Variants in SIGIRR observed in about 807,000 individuals in gnomAD.
SIGIRR encodes single Ig IL-1-related receptor.
Under a neutral mutation model 45.6 loss-of-function variants are expected in SIGIRR, and 41 were observed. That is an observed-to-expected ratio of 0.90 (90% CI 0.70 to 1.17). The LOEUF (loss-of-function observed/expected upper bound fraction) is 1.17, where lower values mean the gene tolerates loss of function less well. Among genes scored for constraint, SIGIRR ranks in the 50% most tolerant of loss-of-function variants. The probability of loss-of-function intolerance (pLI) is 0.00; values close to 1 mark genes in which losing one functional copy is unlikely to be tolerated. For synonymous variants in SIGIRR, 298 were observed against 239.0 expected (o/e 1.25, Z -2.28); for missense variants, 599 against 539.6 (o/e 1.11, Z -1.09).
chr11:408,971 G>A (rs1452121032), intron 2 of SIGIRR, 78 bp from the exon 3 acceptor site: 4 of 1,326,472 alleles, frequency 3.0e-6, no homozygotes, highest in Non-Finnish European at 4.3e-6. Flanking sequence ...CGTGGTGCAG[G>A]AAGAAATAAG....
At chr11:406,291 C>T in intron 9 of SIGIRR, 58 bp downstream of exon 9, 1 of 1,580,742 alleles carries the variant, frequency 6.3e-7, no homozygotes, top group Non-Finnish European at 8.6e-7. Context: ...CTGTGCCTGC[C>T]CCCACTCCGC....
At chr11:417,233 G>A (rs1381858318), upstream of SIGIRR, 1 of 152,274 alleles carries the variant, frequency 6.6e-6, no homozygotes, top group Non-Finnish European at 1.5e-5. This position sits in a 1 kb window ranked among gnomAD's most constrained non-coding sequence, Gnocchi z 4.2. Flanking sequence ...GGGACAAGCA[G>A]CGCCCCGGGC....
At position 407,116 on chromosome 11, in the gene SIGIRR, A is replaced by AGCAT; in HGVS notation, c.673_674insATGC (p.Ile225AsnfsTer117). 2.6e-6 allele frequency: 4 copies of AGCAT among 1,526,568 alleles called. No homozygotes were observed. Among genetic ancestry groups the AGCAT allele is most frequent in the East Asian group, 2.6e-5 (1 of 38,656 alleles). The allele number at this position is 1,526,568 out of a possible 1,614,324, so 94.6% of individuals were successfully genotyped here. On this transcript the variant is annotated frameshift_variant, in exon 7 of 10. Coordinates refer to ENST00000431843, the MANE Select transcript of SIGIRR (RefSeq NM_001135054.2). LOFTEE classifies it high-confidence loss of function. ...CAGGAAGGCGTCCGAAAGCACCACG[A>AGCAT]TGAGGCGTCGGCAGCGGCTCAGGTT...
chr11:408,564 TG>T, intron 3 of SIGIRR, 130 bp downstream of exon 3: 1 of 1,087,118 alleles, frequency 9.2e-7, no homozygotes, highest in Non-Finnish European at 1.4e-6. Flanking sequence ...ACCCTCCGTC[TG>T]GGTCCACAGA....
Position 407,000 on chromosome 11 carries a change from G to C in SIGIRR, c.729-7C>G, listed in dbSNP as rs751237479. The C allele has an allele frequency of 6.3e-7, 1 of 1,595,318 alleles. No individual in the cohort carries two copies. Among genetic ancestry groups the C allele is most frequent in the South Asian group, 1.1e-5 (1 of 89,524 alleles). On this transcript the variant is annotated splice_region_variant and splice_polypyrimidine_tract_variant and intron_variant, in intron 7 of 9. Coordinates refer to ENST00000431843, the MANE Select transcript of SIGIRR (RefSeq NM_001135054.2). ...CAGCCGGCACAGGCCCTCCCTGCGG[G>C]GCGGGACCGTCAGGGGGGTGGGTGC...
chr11:416,809 G>T (rs1847897301), upstream of SIGIRR, among the ~76,000 whole-genome samples: 1 of 152,138 alleles, frequency 6.6e-6, no homozygotes, highest in African/African-American at 2.4e-5. The surrounding 1 kb of genome is among the most constrained non-coding windows in gnomAD (Gnocchi z 9.1). Flanking sequence ...TGAGGAGGGC[G>T]GAGAACGAGG....
intron 1 of SIGIRR, among the ~76,000 whole-genome samples, chr11:413,619 C>T (rs2133651992): frequency 6.6e-6 from 1 of 151,906 alleles, no homozygotes; most frequent in African/African-American, 2.4e-5. Context: ...AGCAGGTGCC[C>T]TCCCCTGCAA....
upstream of SIGIRR, among the ~76,000 whole-genome samples, chr11:416,826 G>A (rs980989881): frequency 7.9e-5 from 12 of 152,154 alleles, no homozygotes; most frequent in African/African-American, 2.9e-4. The surrounding 1 kb of genome is among the most constrained non-coding windows in gnomAD (Gnocchi z 9.1). Flanking sequence ...GAGGACGCGC[G>A]CGGGAGGCGG....
Position 408,119 on chromosome 11 carries a change from G to A in SIGIRR, c.294C>T (p.Cys98=), listed in dbSNP as rs751038465. ...AGGAGAAGCTGATGTTCTGGATGGA[G>A]CAGGTGAAGGCCCCATAGACTTCAG... ...TSTEVYGAFT[C]SIQNISFSSF... The change falls in exon 4 of 10, where the codon TGC becomes TGT. Residue 98 remains cysteine (C), a synonymous_variant. Transcript: ENST00000431843. 9.3e-6 allele frequency: 15 copies of A among 1,612,844 alleles called. No homozygotes were observed. Among genetic ancestry groups the A allele is most frequent in the Non-Finnish European group, 1.3e-5 (15 of 1,179,982 alleles).
At chr11:412,748 C>T (rs985789291) in intron 1 of SIGIRR, among the ~76,000 whole-genome samples, 1 of 151,668 alleles carries the variant, frequency 6.6e-6, no homozygotes, top group African/African-American at 2.4e-5. Context: ...CCAGCTCTGG[C>T]CCACGTCTGG....
upstream of SIGIRR, among the ~76,000 whole-genome samples, chr11:415,437 C>T (rs1388031725): frequency 2.0e-5 from 3 of 152,070 alleles, no homozygotes; most frequent in Admixed American, 1.3e-4. The surrounding 1 kb of genome is among the most constrained non-coding windows in gnomAD (Gnocchi z 6.6). Context: ...GACCGGGGAC[C>T]GCGCGGCATG....
chr11:406,684 C>T lies in SIGIRR; in HGVS notation c.880-146G>A, dbSNP rs1590368781. The T allele has an allele frequency of 2.8e-6, 4 of 1,405,786 alleles. No individual in the cohort carries two copies. In the East Asian group the frequency reaches 7.5e-5, roughly 26 times the overall value. 87.1% of individuals were successfully genotyped at this position (1,405,786 alleles called of 1,614,324 possible). ...GGCTCCGGGGGCCTCAAGGGCGGCTCCCCGCATCGGGGCCCCAGGCAGCGG... is the reference window on the plus strand; with the variant it reads ...GGCTCCGGGGGCCTCAAGGGCGGCTTCCCGCATCGGGGCCCCAGGCAGCGG... On this transcript the variant is annotated intron_variant, in intron 8 of 9. Transcript: ENST00000431843.
At chr11:413,452 C>T (rs958894171) in intron 1 of SIGIRR, among the ~76,000 whole-genome samples, 8 of 151,918 alleles carry the variant, frequency 5.3e-5, no homozygotes, top group African/African-American at 1.9e-4. Context: ...ACAGCAAGCC[C>T]GGGAGGTCAC....
chr11:406,222 AG>A, intron 9 of SIGIRR, 126 bp downstream of exon 9: 1 of 1,540,168 alleles, frequency 6.5e-7, no homozygotes, highest in African/African-American at 1.4e-5. Flanking sequence ...GAGGCCGTGC[AG>A]GGGCTCCCGG....
Position 414,929 on chromosome 11 carries a change from C to T in SIGIRR, c.-260G>A. On this transcript the variant is annotated 5_prime_UTR_variant, in exon 1 of 10. Coordinates refer to ENST00000431843, the MANE Select transcript of SIGIRR (RefSeq NM_001135054.2). ...CCAGGGAGTGTCCACAGCACCAAGG[C>T]TGCTATGGATGCATCGCCAAGCGCG... is the stretch of plus-strand genomic sequence containing the variant. The T allele has an allele frequency of 3.1e-6, 3 of 960,780 alleles. No individual in the cohort carries two copies. The highest frequency in any genetic ancestry group is 3.7e-6 in the Non-Finnish European group (3 of 807,398). The allele number at this position is 960,780 out of a possible 1,614,324, so 59.5% of individuals were successfully genotyped here. A position where few individuals can be genotyped will look rare whatever the true frequency, so the allele number is the denominator to read the frequency against.
In SIGIRR at chr11:407,046, C is replaced by A; in HGVS notation, c.728+16G>T. 1 of 1,576,826 alleles carries A rather than the reference C, an allele frequency of 6.3e-7. No individual in the cohort carries two copies. The highest frequency in any genetic ancestry group is 8.6e-7 in the Non-Finnish European group (1 of 1,167,782). ...GGTGCTACGCTGGGGCCCACCCAAC[C>A]CCGCGCGGGACCCACCGGAAGCTGT... On this transcript the variant is annotated intron_variant, in intron 7 of 9. Coordinates refer to ENST00000431843, the MANE Select transcript of SIGIRR (RefSeq NM_001135054.2).
chr11:415,225 T>C (rs1847847919), upstream of SIGIRR, among the ~76,000 whole-genome samples: 4 of 138,212 alleles, frequency 2.9e-5, no homozygotes, highest in Non-Finnish European at 1.5e-5. The surrounding 1 kb of genome is among the most constrained non-coding windows in gnomAD (Gnocchi z 6.6). Flanking sequence ...TGTGTGTGTG[T>C]GTGTGTGTGT....
At chr11:414,780 G>T (rs183196412) in intron 1 of SIGIRR, 43 bp downstream of exon 1, 2 of 984,752 alleles carry the variant, frequency 2.0e-6, no homozygotes, top group East Asian at 1.1e-4. Context: ...TCTCAGCCAG[G>T]CCCTGACACA....
chr11:405,746 C>T lies in SIGIRR; in HGVS notation c.*150G>A, dbSNP rs905625817. The T allele has an allele frequency of 1.1e-6, 1 of 919,282 alleles. No individual in the cohort carries two copies. The highest frequency in any genetic ancestry group is 1.7e-5 in the African/African-American group (1 of 59,758). The allele number at this position is 919,282 out of a possible 1,614,324, so 56.9% of individuals were successfully genotyped here. On this transcript the variant is annotated 3_prime_UTR_variant, in exon 10 of 10. Transcript: ENST00000431843. ...TCCAAAAGGACTTTATTTTCTGGCA[C>T]TGGGAGGCGCCCTGAGGCCACAGCC...
Sources: gnomAD v4.1 joint callset for allele counts (sites outside exome capture counted in the v4.1 genomes callset) on GRCh38, gnomAD v4.1.1 for gene constraint, Gnocchi (gnomAD v3.1) non-coding constraint, MANE v1.5 for transcripts, NCBI Gene and HGNC (gene_info 2026-07-23, HGNC 2026-07-21) for gene names.